Variants in SRCAP observed in about 807,000 individuals in gnomAD.
SRCAP encodes Snf2 related CREBBP activator protein, also known as chromatin remodeling protein SRCAP.
SRCAP carries 46 observed loss-of-function variants against 263.1 expected under a neutral mutation model. That is an observed-to-expected ratio of 0.17 (90% CI 0.14 to 0.22). The LOEUF is 0.22. SRCAP is among the 10% of genes least tolerant of loss of function. SRCAP has a pLI of 1.00. For missense variants in SRCAP, 3,695 were observed against 4,181.9 expected (o/e 0.88, Z 3.21); for synonymous variants, 1,813 against 1,662.1 (o/e 1.09, Z -2.21).
intron 6 of SRCAP, among the ~76,000 whole-genome samples, chr16:30,708,925 T>G (rs2052856896): frequency 6.6e-6 from 1 of 152,152 alleles, no homozygotes; most frequent in Non-Finnish European, 1.5e-5. Flanking sequence ...TTCAAGCGAT[T>G]CTCCTGCCTC....
At chr16:30,721,026 T>C (rs767100038) in intron 20 of SRCAP, 48 bp downstream of exon 20, 2 of 1,560,160 alleles carry the variant, frequency 1.3e-6, no homozygotes, top group Non-Finnish European at 1.7e-6. Flanking sequence ...TCAGAAAGGT[T>C]GTTCAGACTG....
chr16:30,739,906 G>A lies in SRCAP; in HGVS notation c.*173G>A. The A allele has an allele frequency of 9.1e-7, 1 of 1,092,950 alleles. No homozygotes were observed. Among genetic ancestry groups the A allele is most frequent in the Non-Finnish European group, 1.2e-6 (1 of 808,182 alleles). 67.7% of individuals were successfully genotyped at this position (1,092,950 alleles called of 1,614,324 possible). On this transcript the variant is annotated 3_prime_UTR_variant, in exon 34 of 34. Transcript: ENST00000262518. ...GTAGGCAACTGGTTGTCATGGAAAT[G>A]GGGATCATCACAGTCCCCTTCCCCT...
In SRCAP at chr16:30,711,561, T is replaced by A. The variant is rs747955628; in HGVS notation, c.1319-10T>A. The stretch of plus-strand genomic sequence containing the variant: ...TCAGAGCAACCAAAAGCTTTTTGTT[T>A]CTCTTCCAGGTGAGCTTTCCATGGA... On this transcript the variant is annotated splice_polypyrimidine_tract_variant and intron_variant, in intron 10 of 33. Coordinates refer to ENST00000262518, the MANE Select transcript of SRCAP (RefSeq NM_006662.3). The A allele has an allele frequency of 6.4e-7, 1 of 1,572,242 alleles. No individual in the cohort carries two copies. The highest frequency in any genetic ancestry group is 8.6e-7 in the Non-Finnish European group (1 of 1,162,464).
In SRCAP at chr16:30,711,674, C is replaced by T. The variant is rs1185418470; in HGVS notation, c.1422C>T (p.Ser474=). The T allele has an allele frequency of 6.2e-7, 1 of 1,614,114 alleles. No homozygotes were observed. Among genetic ancestry groups the T allele is most frequent in the Non-Finnish European group, 8.5e-7 (1 of 1,180,024 alleles). ...DEDEDEVDAN[S]SDCEPEGPVE... ...ATGAAGATGAGGTTGATGCTAATAG[C>T]TCTGACTGTGAACCAGAGGGGCCCG... The change falls in exon 11 of 34, where the codon AGC becomes AGT. Residue 474 remains serine (S), a synonymous_variant. Coordinates refer to ENST00000262518, the MANE Select transcript of SRCAP (RefSeq NM_006662.3).
At chr16:30,725,661 G>C (rs1165477120) in intron 25 of SRCAP, 2 of 153,084 alleles carry the variant, frequency 1.3e-5, no homozygotes, top group East Asian at 3.8e-4. Context: ...TGGCTGGTTG[G>C]AAGTAGAGAG....
Position 30,733,825 on chromosome 16 carries a change from C to T in SRCAP, c.6494+27C>T, listed in dbSNP as rs1250323132. The T allele has an allele frequency of 1.2e-6, 2 of 1,611,508 alleles. No individual in the cohort carries two copies. The highest frequency in any genetic ancestry group is 1.7e-6 in the Non-Finnish European group (2 of 1,178,190). Reference sequence around the variant, plus strand: ...TATTGCCTAGTCTTCCCTCACCTTACTTTCCGTTTACTGATGGGGTTTCCT... The same window carrying T: ...TATTGCCTAGTCTTCCCTCACCTTATTTTCCGTTTACTGATGGGGTTTCCT... On this transcript the variant is annotated intron_variant, in intron 29 of 33. Coordinates refer to ENST00000262518, the MANE Select transcript of SRCAP (RefSeq NM_006662.3). This position sits in a 1 kb window ranked among gnomAD's most constrained non-coding sequence, Gnocchi z 5.3.
intron 18 of SRCAP, among the ~76,000 whole-genome samples, chr16:30,717,648 C>G (rs1324712153): frequency 1.5e-5 from 2 of 135,288 alleles, no homozygotes; most frequent in African/African-American, 5.8e-5. Context: ...GAGTCTCGCT[C>G]TGTCCTCAGG....
intron 6 of SRCAP, 25 bp from the exon 7 acceptor site, chr16:30,709,488 G>A (rs914003060): frequency 5.0e-6 from 8 of 1,612,074 alleles, no homozygotes; most frequent in Admixed American, 1.7e-5. Flanking sequence ...ATCTTGGTGA[G>A]CAGTCCCTTT....
Position 30,721,198 on chromosome 16 carries a change from C to G in SRCAP, c.3263C>G (p.Ser1088Cys). Reference protein sequence around the residue: ...NSGSLPQVLPSPLGVLSGTSR... With the variant: ...NSGSLPQVLPCPLGVLSGTSR... ...TGCTTTGTGTCTGCAGTGTTGCCAT[C>G]CCCCCTGGGGGTCCTGAGTGGGACC... The change falls in exon 21 of 34, where the codon TCC becomes TGC. Residue 1088 changes from serine (S) to cysteine (C), a missense_variant. This residue lies in a region of SRCAP where 1,347 missense variants were observed against 1,304.4 expected (regional missense o/e 1.03). Transcript: ENST00000262518. 1 of 1,605,754 alleles carries G rather than the reference C, an allele frequency of 6.2e-7. No homozygotes were observed. Among genetic ancestry groups the G allele is most frequent in the Admixed American group, 1.7e-5 (1 of 59,462 alleles).
rs1478401650 is a variant in SRCAP, at chr16:30,725,052, C to G, written c.5628C>G (p.Pro1876=). 6 of 1,612,644 alleles carry G rather than the reference C, an allele frequency of 3.7e-6. No homozygotes were observed. Among genetic ancestry groups the G allele is most frequent in the Admixed American group, 1.7e-5 (1 of 59,920 alleles). ...GTGGCCCCCGGCCTCGACGCCAGCC[C>G]CCCCCACCACCTCGTTCCCCTTTTT... ...SFGGPRPRRQ[P]PPPPRSPFYL... Residue 1876 remains proline, a synonymous_variant, in exon 25 of 34, where the codon CCC becomes CCG. Transcript: ENST00000262518.
chr16:30,733,271 T>C lies in SRCAP; in HGVS notation c.6128-9T>C, dbSNP rs552718284. ...AGCTAGCTCCCTGTATCCCTTCATA[T>C]CTCTTTAGGAAAGTTGCAGACGTTG... is the stretch of plus-strand genomic sequence containing the variant. On this transcript the variant is annotated splice_polypyrimidine_tract_variant and intron_variant, in intron 27 of 33. Transcript: ENST00000262518. The surrounding 1 kb of genome is among the most constrained non-coding windows in gnomAD (Gnocchi z 5.3). 4 of 1,613,148 alleles carry C rather than the reference T, an allele frequency of 2.5e-6. No homozygotes were observed. The highest frequency in any genetic ancestry group is 2.2e-5 in the South Asian group (2 of 91,066).
chr16:30,717,465 G>A (rs1243472429), intron 18 of SRCAP, among the ~76,000 whole-genome samples: 5 of 149,848 alleles, frequency 3.3e-5, no homozygotes, highest in Middle Eastern at 3.4e-3. Flanking sequence ...TTTTTTTTTC[G>A]AGACAAGGTC....
At chr16:30,721,592 G>T (rs1033264750) in intron 21 of SRCAP, 116 bp downstream of exon 21, 2 of 1,383,238 alleles carry the variant, frequency 1.4e-6, no homozygotes, top group Non-Finnish European at 1.9e-6. Flanking sequence ...CTATAATCCC[G>T]GTGCTTTGGG....
chr16:30,733,676 C>T lies in SRCAP; in HGVS notation c.6372C>T (p.Gly2124=), dbSNP rs2053133543. 7 of 1,614,090 alleles carry T rather than the reference C, an allele frequency of 4.3e-6. No individual in the cohort carries two copies. Among genetic ancestry groups the T allele is most frequent in the Non-Finnish European group, 5.1e-6 (6 of 1,180,036 alleles). Residue 2124 remains glycine (G), a synonymous_variant, in exon 29 of 34, where the codon GGC becomes GGT. Coordinates refer to ENST00000262518, the MANE Select transcript of SRCAP (RefSeq NM_006662.3). The surrounding 1 kb of genome is among the most constrained non-coding windows in gnomAD (Gnocchi z 5.3). ...TTTCAACTCGGAGTGGGGGTGTGGG[C>T]GTGAACCTGACAGGAGCAGACACTG... ...FILSTRSGGV[G]VNLTGADTVV...
chr16:30,722,305 CT>C lies in SRCAP; in HGVS notation c.3706+20del, dbSNP rs769124178. The stretch of plus-strand genomic sequence containing the variant: ...CTGCAAAGTAGGTAAAACCCACCCC[CT>C]GTCCTGCCTTTTTCCTCCTCTTCCC... On this transcript the variant is annotated intron_variant, in intron 22 of 33. Transcript: ENST00000262518. The C allele has an allele frequency of 1.3e-5, 21 of 1,605,864 alleles. No individual in the cohort carries two copies. The highest frequency in any genetic ancestry group is 1.5e-5 in the Non-Finnish European group (18 of 1,175,676).
chr16:30,712,480 G>C (rs1260138002), intron 13 of SRCAP, 41 bp downstream of exon 13: 1 of 1,537,792 alleles, frequency 6.5e-7, no homozygotes, highest in African/African-American at 1.4e-5. Flanking sequence ...CCCTAGTCTA[G>C]CTCCCTGGGA....
In SRCAP at chr16:30,707,574, G is replaced by T; in HGVS notation, c.495G>T (p.Val165=). ...RRWKRGVARK[V]VRMVIRHHEE... Reference sequence around the variant, plus strand: ...ACCCTGGGTCTTCATTCCCACAGGTGGTGCGCATGGTGATCCGGCACCACG... The same window carrying T: ...ACCCTGGGTCTTCATTCCCACAGGTTGTGCGCATGGTGATCCGGCACCACG... Residue 165 remains valine (V), a splice_region_variant and synonymous_variant, in exon 6 of 34, where the codon GTG becomes GTT. Transcript: ENST00000262518. 6.2e-7 allele frequency: 1 copy of T among 1,612,938 alleles called. No individual in the cohort carries two copies.
At chr16:30,715,916 A>G in intron 16 of SRCAP, 150 bp from the exon 17 acceptor site, 1 of 966,922 alleles carries the variant, frequency 1.0e-6, no homozygotes, top group Middle Eastern at 3.3e-4. Context: ...CAGACAGCAG[A>G]TCCCTTGAGG....
rs2053209126 is a variant in SRCAP at position 30,740,023 on chromosome 16, C to A, written c.*290C>A. The A allele has an allele frequency of 1.2e-5, 4 of 322,894 alleles. No homozygotes were observed. The highest frequency in any genetic ancestry group is 2.2e-5 in the Non-Finnish European group (4 of 179,434). 20.0% of individuals were successfully genotyped at this position (322,894 alleles called of 1,614,324 possible). On this transcript the variant is annotated 3_prime_UTR_variant, in exon 34 of 34. Coordinates refer to ENST00000262518, the MANE Select transcript of SRCAP (RefSeq NM_006662.3). ...GATTCCCCAGCTGTCTTTCACACAG[C>A]CCCCCACCCTTAGGGGAAGGGGGAG...
Sources: allele counts gnomAD v4.1 joint callset (sites outside exome capture counted in the v4.1 genomes callset), GRCh38; gene constraint gnomAD v4.1.1; regional missense constraint gnomAD v4.1.1; non-coding constraint Gnocchi (gnomAD v3.1); transcripts MANE v1.5; gene names NCBI Gene and HGNC (gene_info 2026-07-23, HGNC 2026-07-21).